Variants in D2HGDH observed in about 807,000 individuals in gnomAD.
D2HGDH encodes the protein D-2-hydroxyglutarate dehydrogenase, also known as D-2-hydroxyglutarate dehydrogenase, mitochondrial.
Under a neutral mutation model 46.9 loss-of-function variants are expected in D2HGDH, and 31 were observed. The ratio of observed to expected loss-of-function variants is 0.66; its 90% CI spans 0.50 to 0.89. The LOEUF is 0.89. Ranked by LOEUF, D2HGDH falls within the 40% of genes least tolerant of loss-of-function variation. D2HGDH has a pLI of 0.00. For missense variants in D2HGDH, 698 were observed against 720.8 expected, an observed-to-expected ratio of 0.97 and a Z score of 0.36; for synonymous variants, 364 against 332.6, an observed-to-expected ratio of 1.09 and a Z score of -1.03.
At chr2:241,737,766 T>C (rs543794465) in intron 2 of D2HGDH, among the ~76,000 whole-genome samples, 1 of 152,218 alleles carries the variant, frequency 6.6e-6, no homozygotes, top group Admixed American at 6.5e-5. Context: ...GGCATGTGTC[T>C]GTGTGCTAAA....
At chr2:241,753,811 CGGGCGACAGCAGTGACCA>C (rs1697692574) in intron 8 of D2HGDH, among the ~76,000 whole-genome samples, 1 of 152,344 alleles carries the variant, frequency 6.6e-6, no homozygotes, top group African/African-American at 2.4e-5. Context: ...CTGTGCCTGC[CGGGCGACAGCAGTGACCA>C]GGGCGGGAGA....
chr2:241,735,876 C>T (rs1692651162), intron 2 of D2HGDH: 2 of 313,042 alleles, frequency 6.4e-6, no homozygotes, highest in Non-Finnish European at 1.2e-5. Context: ...GATTTGCCTG[C>T]CTCAGCCTCC....
At chr2:241,754,030 G>A (rs918485574) in intron 8 of D2HGDH, among the ~76,000 whole-genome samples, 1 of 152,212 alleles carries the variant, frequency 6.6e-6, no homozygotes, top group African/African-American at 2.4e-5. Flanking sequence ...CAGAACGTCT[G>A]GTGCAGGAGC....
At chr2:241,749,069 G>C (rs1696621450) in intron 6 of D2HGDH, 4 of 1,001,292 alleles carry the variant, frequency 4.0e-6, no homozygotes, top group Non-Finnish European at 4.8e-6. Context: ...CAGGGCCCCA[G>C]TCAGCCCTGG....
At position 241,736,817 on chromosome 2, in the gene D2HGDH, T is replaced by C. The variant is rs879490714; in HGVS notation, c.292+1301T>C. 3.1e-4 allele frequency among the ~76,000 whole-genome samples: 45 copies of C among 142,916 alleles called. No individual in the cohort carries two copies. In the Middle Eastern group the frequency reaches 0.013, roughly 41 times the overall value. The allele number at this position is 142,916 out of a possible 152,430, so 93.8% of individuals were successfully genotyped here. Reference sequence around the variant, plus strand: ...CTGGGATTACAGGTGCCCGCCACCATGCCCGGCTAATTTTTGTATTTTTAG... The same window carrying C: ...CTGGGATTACAGGTGCCCGCCACCACGCCCGGCTAATTTTTGTATTTTTAG... On this transcript the variant is annotated intron_variant, in intron 2 of 9. Coordinates refer to ENST00000321264, the MANE Select transcript of D2HGDH (RefSeq NM_152783.5).
chr2:241,749,387 C>T, intron 6 of D2HGDH: 3 of 1,271,260 alleles, frequency 2.4e-6, no homozygotes, highest in Non-Finnish European at 3.1e-6. Context: ...GCCTCCCTGT[C>T]TCGCCCTGAA....
In D2HGDH at chr2:241,768,016, C is replaced by A. The variant is rs1699296974; in HGVS notation, c.*47C>A. 6.5e-7 allele frequency: 1 copy of A among 1,537,410 alleles called. No homozygotes were observed. The highest frequency in any genetic ancestry group is 2.4e-5 in the East Asian group (1 of 41,536). On this transcript the variant is annotated 3_prime_UTR_variant, in exon 10 of 10. Transcript: ENST00000321264. Reference sequence around the variant, plus strand: ...AGGCCCACTGGGGGTCGGCGGGTGGCTCTCGGGCGGGGGTGTTGCGGTGGC... The same window carrying A: ...AGGCCCACTGGGGGTCGGCGGGTGGATCTCGGGCGGGGGTGTTGCGGTGGC...
intron 9 of D2HGDH, among the ~76,000 whole-genome samples, chr2:241,764,905 AGCC>A (rs1198847464): frequency 6.6e-6 from 1 of 152,070 alleles, no homozygotes. Flanking sequence ...CTCTTCTCTG[AGCC>A]GTCGCCTTCT....
chr2:241,749,672 G>C (rs928680066), intron 6 of D2HGDH: 1 of 323,664 alleles, frequency 3.1e-6, no homozygotes, highest in Non-Finnish European at 6.1e-6. Flanking sequence ...CCCAAGATAC[G>C]CCCCCTCTGA....
intron 8 of D2HGDH, among the ~76,000 whole-genome samples, chr2:241,754,263 G>GCGGCTGTGGGGCA (rs1314311074): frequency 1.3e-5 from 2 of 152,232 alleles, no homozygotes; most frequent in East Asian, 3.9e-4. Context: ...CCGTGCCCGT[G>GCGGCTGTGGGGCA]CGGCTGTGAC....
intron 8 of D2HGDH, chr2:241,755,186 G>A (rs187360247): frequency 1.2e-5 from 15 of 1,293,436 alleles, no homozygotes; most frequent in African/African-American, 7.8e-5. Flanking sequence ...CCCGTGGCCC[G>A]CCCGCCGTGT....
chr2:241,742,476 G>A lies in D2HGDH; in HGVS notation c.392G>A (p.Gly131Asp). 6.2e-7 allele frequency: 1 copy of A among 1,613,876 alleles called. No homozygotes were observed. The highest frequency in any genetic ancestry group is 8.5e-7 in the Non-Finnish European group (1 of 1,179,936). ...AACCTGGCCGTGAACCCACAGGGGG[G>A]CAACACAGGCATGGTGGGTGGCAGC... ...ERNLAVNPQG[G>D]NTGMVGGSVP... The change falls in exon 4 of 10, where the codon GGC becomes GAC. Residue 131 changes from glycine to aspartate, a missense_variant. Physicochemically the swap from Gly to Asp is moderately conservative, Grantham distance 94. Coordinates refer to ENST00000321264, the MANE Select transcript of D2HGDH (RefSeq NM_152783.5). The surrounding 1 kb of genome is among the most constrained non-coding windows in gnomAD (Gnocchi z 4.8).
At chr2:241,758,268 A>T (rs958863846) in intron 9 of D2HGDH, among the ~76,000 whole-genome samples, 2 of 152,180 alleles carry the variant, frequency 1.3e-5, no homozygotes, top group African/African-American at 4.8e-5. Flanking sequence ...CATAACATGA[A>T]TATTATGCAG....
Position 241,735,520 on chromosome 2 carries a change from G to A in D2HGDH, c.292+4G>A. The A allele has an allele frequency of 6.2e-7, 1 of 1,604,456 alleles. No individual in the cohort carries two copies. Among genetic ancestry groups the A allele is most frequent in the Non-Finnish European group, 8.5e-7 (1 of 1,179,714 alleles). On this transcript the variant is annotated splice_donor_region_variant and intron_variant, in intron 2 of 9. Transcript: ENST00000321264. ...GACTGGTTGCGGACGCTGCGAGGTGGGTGAGGCTTGGGAAGCTGCGGCGTT... is the reference window on the plus strand; with the variant it reads ...GACTGGTTGCGGACGCTGCGAGGTGAGTGAGGCTTGGGAAGCTGCGGCGTT...
At chr2:241,738,484 C>T (rs566894012) in intron 2 of D2HGDH, among the ~76,000 whole-genome samples, 12 of 152,318 alleles carry the variant, frequency 7.9e-5, no homozygotes, top group Middle Eastern at 3.4e-3. Context: ...CCAGCCTGCT[C>T]GGAGGCCAGC....
intron 9 of D2HGDH, 56 bp downstream of exon 9, chr2:241,756,070 T>TCA (rs1353736969): frequency 6.5e-7 from 1 of 1,543,732 alleles, no homozygotes; most frequent in African/African-American, 1.4e-5. Flanking sequence ...GGCCCCACGG[T>TCA]CACCGTCACC....
Position 241,742,651 on chromosome 2 carries a change from C to T in D2HGDH, c.490+77C>T. The T allele has an allele frequency of 6.3e-7, 1 of 1,577,038 alleles. No individual in the cohort carries two copies. Among genetic ancestry groups the T allele is most frequent in the Non-Finnish European group, 8.7e-7 (1 of 1,147,418 alleles). ...AGTTCTTCCTTGCCAGCGTCTGCAA[C>T]TGTGGGGTGCTTGGGTGGGTGAATG... On this transcript the variant is annotated intron_variant, in intron 4 of 9. Coordinates refer to ENST00000321264, the MANE Select transcript of D2HGDH (RefSeq NM_152783.5). This position sits in a 1 kb window ranked among gnomAD's most constrained non-coding sequence, Gnocchi z 4.8.
At chr2:241,753,625 C>T (rs1354855865) in intron 8 of D2HGDH, among the ~76,000 whole-genome samples, 1 of 152,254 alleles carries the variant, frequency 6.6e-6, no homozygotes, top group Non-Finnish European at 1.5e-5. Flanking sequence ...GGGGGACACT[C>T]AGCCCTGCCC....
At chr2:241,762,719 C>T (rs921671310) in intron 9 of D2HGDH, among the ~76,000 whole-genome samples, 3 of 152,154 alleles carry the variant, frequency 2.0e-5, no homozygotes, top group Non-Finnish European at 4.4e-5. Context: ...TGTGATCGGC[C>T]GTCAGATCTG....
Sources: gnomAD v4.1 joint callset for allele counts (sites outside exome capture counted in the v4.1 genomes callset) on GRCh38, gnomAD v4.1.1 for gene constraint, Gnocchi (gnomAD v3.1) non-coding constraint, MANE v1.5 for transcripts, NCBI Gene and HGNC (gene_info 2026-07-23, HGNC 2026-07-21) for gene names.